The following PAK4 variants were observed in gnomAD, a reference collection of about 807,000 sequenced individuals.
PAK4 encodes the protein p21 (RAC1) activated kinase 4.
In PAK4, 49 loss-of-function variants were observed where a neutral mutation model predicts 53.5. That is an observed-to-expected ratio of 0.92 (90% CI 0.73 to 1.16). The LOEUF (loss-of-function observed/expected upper bound fraction) is 1.16, where lower values mean the gene tolerates loss of function less well. Among genes scored for constraint, PAK4 ranks in the 50% most tolerant of loss-of-function variants. The pLI, the probability that PAK4 is intolerant of heterozygous loss-of-function variation, is 0.00. For missense variants in PAK4, 824 were observed against 850.7 expected, an observed-to-expected ratio of 0.97 and a Z score of 0.39; for synonymous variants, 376 against 375.6, an observed-to-expected ratio of 1.00 and a Z score of -0.01.
chr19:39,158,224 T>C (rs191170417), intron 1 of PAK4, among the ~76,000 whole-genome samples: 138 of 152,024 alleles, frequency 9.1e-4, no homozygotes, highest in African/African-American at 3.1e-3. Context: ...GGTGTGCGTG[T>C]GTGTGCATGT....
intron 1 of PAK4, among the ~76,000 whole-genome samples, chr19:39,148,038 G>A (rs552243736): frequency 3.5e-5 from 5 of 143,600 alleles, no homozygotes; most frequent in Admixed American, 1.4e-4. Context: ...TGTGGCCTCC[G>A]CCTCCCGGGT....
intron 1 of PAK4, among the ~76,000 whole-genome samples, chr19:39,160,417 C>G (rs188662295): frequency 6.6e-6 from 1 of 152,322 alleles, no homozygotes; most frequent in East Asian, 1.9e-4. Flanking sequence ...GGGGCACTGC[C>G]AGTCAGTAGG....
chr19:39,156,301 T>G (rs1403769232), intron 1 of PAK4, among the ~76,000 whole-genome samples: 1 of 146,400 alleles, frequency 6.8e-6, no homozygotes, highest in Non-Finnish European at 1.5e-5. Context: ...CAGGGCTCTA[T>G]CCTGCACCTA....
At chr19:39,127,143 C>T (rs73930284) in intron 1 of PAK4, among the ~76,000 whole-genome samples, 6 of 152,140 alleles carry the variant, frequency 3.9e-5, no homozygotes, top group Admixed American at 2.6e-4. Context: ...GGGAGTCCGA[C>T]GGGCTTCTGA....
At chr19:39,169,359 C>T (rs1250647314) in intron 1 of PAK4, among the ~76,000 whole-genome samples, 173 bp from the exon 3 acceptor site, 1 of 152,038 alleles carries the variant, frequency 6.6e-6, no homozygotes, top group Non-Finnish European at 1.5e-5. Context: ...CGGGTACCCT[C>T]TGGCTGTGTG....
In PAK4 at chr19:39,149,135, C is replaced by T. The variant is rs185613172; in HGVS notation, c.-22-20397C>T. On this transcript the variant is annotated intron_variant, in intron 1 of 8. Coordinates refer to ENST00000358301, the Ensembl canonical transcript of PAK4. ...GAATTACCTTGTGACCCAGCAATTC[C>T]GCTCCCAACTGTTCGTCCAAAAGAA... Among the ~76,000 whole-genome samples, 50 of 152,266 alleles carry T rather than the reference C, an allele frequency of 3.3e-4. 1 individual carries two copies. The highest frequency in any genetic ancestry group is 8.3e-4 in the South Asian group (4 of 4,820).
At chr19:39,152,098 G>A (rs1393795449) in intron 1 of PAK4, 1 of 146,284 alleles carries the variant, frequency 6.8e-6, no homozygotes, top group Non-Finnish European at 1.5e-5. Context: ...CTGAGTTATC[G>A]TGATTTTTTT....
intron 1 of PAK4, among the ~76,000 whole-genome samples, chr19:39,139,969 G>A (rs988491262): frequency 6.6e-6 from 1 of 152,166 alleles, no homozygotes; most frequent in African/African-American, 2.4e-5. Context: ...GTTAAGTCAC[G>A]GCACGCTACG....
chr19:39,172,562 CG>C (rs895979512), intron 2 of PAK4, among the ~76,000 whole-genome samples: 3 of 152,108 alleles, frequency 2.0e-5, no homozygotes, highest in African/African-American at 7.2e-5. Context: ...TTGCAGCCCT[CG>C]GGGCTGATTA....
At position 39,172,041 on chromosome 19, in the gene PAK4, G is replaced by A. The variant is rs555130192; in HGVS notation, c.205-877G>A. Among the ~76,000 whole-genome samples, 6 of 152,360 alleles carry A rather than the reference G, an allele frequency of 3.9e-5. 1 individual carries two copies. In the South Asian group the frequency reaches 1.2e-3, roughly 32 times the overall value. ...GTTAGGTGCTCTAGGTAGAATGCAG[G>A]CAGGGCAGGGGCCGGGGAGGGCAGG... On this transcript the variant is annotated intron_variant, in intron 2 of 8. Transcript: ENST00000358301.
At chr19:39,134,106 C>T (rs185760577) in intron 1 of PAK4, among the ~76,000 whole-genome samples, 1 of 152,364 alleles carries the variant, frequency 6.6e-6, no homozygotes, top group East Asian at 1.9e-4. Context: ...CGTCCCTTCC[C>T]CGCAAATCTT....
At position 39,173,974 on chromosome 19, in the gene PAK4, G is replaced by T; in HGVS notation, c.1062G>T (p.Leu354=). The stretch of plus-strand genomic sequence containing the variant: ...TGGTGGCCGTCAAGAAGATGGACCT[G>T]CGCAAGCAGCAGAGGCGCGAGCTGC... The change falls in exon 4 of 9, where the codon CTG becomes CTT. Residue 354 remains leucine, a synonymous_variant. Transcript: ENST00000358301. This position sits in a 1 kb window ranked among gnomAD's most constrained non-coding sequence, Gnocchi z 6.9. 6.2e-7 allele frequency: 1 copy of T among 1,608,152 alleles called. No homozygotes were observed. The highest frequency in any genetic ancestry group is 8.5e-7 in the Non-Finnish European group (1 of 1,178,720).
intron 4 of PAK4, 33 bp downstream of exon 5, chr19:39,174,043 T>G: frequency 1.4e-6 from 2 of 1,380,086 alleles, no homozygotes; most frequent in Non-Finnish European, 1.9e-6. Flanking sequence ...GCCCTGCTGG[T>G]CCTCCCACCC....
At chr19:39,176,465 G>A in intron 6 of PAK4, 125 bp from the exon 8 acceptor site, 1 of 1,308,632 alleles carries the variant, frequency 7.6e-7, no homozygotes, top group Non-Finnish European at 1.1e-6. Context: ...TCTGACCCTA[G>A]ACCCCAGCTC....
At position 39,173,914 on chromosome 19, in the gene PAK4, C is replaced by T. The variant is rs747763849; in HGVS notation, c.1002C>T (p.Ile334=). ...AGATTGGCGAGGGCTCCACGGGCAT[C>T]GTGTGCATCGCCACCGTGCGCAGCT... Residue 334 remains isoleucine (I), a synonymous_variant, in exon 4 of 9, where the codon ATC becomes ATT. Coordinates refer to ENST00000358301, the Ensembl canonical transcript of PAK4. The surrounding 1 kb of genome is among the most constrained non-coding windows in gnomAD (Gnocchi z 6.9). 2.3e-5 allele frequency: 37 copies of T among 1,611,784 alleles called. No homozygotes were observed. Among genetic ancestry groups the T allele is most frequent in the Non-Finnish European group, 2.6e-5 (31 of 1,179,564 alleles).
At position 39,147,599 on chromosome 19, in the gene PAK4, T is replaced by C. The variant is rs187094198; in HGVS notation, c.-23+21680T>C. Among the ~76,000 whole-genome samples the C allele has an allele frequency of 4.8e-4, 73 of 152,300 alleles. 2 individuals are homozygous for C. The East Asian group carries it at 0.012, about 26-fold the overall frequency. On this transcript the variant is annotated intron_variant, in intron 1 of 8. Transcript: ENST00000358301. ...ATTTTCTAGAGTGGCTGTACCATGT[T>C]ATATTATCACCAGCAGCAGGTTCCC...
At chr19:39,126,531 C>T (rs1481253259) in intron 1 of PAK4, among the ~76,000 whole-genome samples, 1 of 149,616 alleles carries the variant, frequency 6.7e-6, no homozygotes, top group Non-Finnish European at 1.5e-5. Flanking sequence ...GGCAAACACT[C>T]ATGAAACACT....
At chr19:39,138,842 G>A (rs1020929695) in intron 1 of PAK4, among the ~76,000 whole-genome samples, 10 of 152,246 alleles carry the variant, frequency 6.6e-5, no homozygotes, top group African/African-American at 2.4e-4. Flanking sequence ...GATGCGGGAA[G>A]CAGCTCAGCT....
At chr19:39,145,686 G>A (rs902722565) in intron 1 of PAK4, among the ~76,000 whole-genome samples, 3 of 152,176 alleles carry the variant, frequency 2.0e-5, no homozygotes, top group Admixed American at 6.5e-5. Flanking sequence ...CGCTGGTGCC[G>A]CCTGGGGCCT....
Sources: gnomAD v4.1 joint callset for allele counts (sites outside exome capture counted in the v4.1 genomes callset) on GRCh38, gnomAD v4.1.1 for gene constraint, Gnocchi (gnomAD v3.1) non-coding constraint, MANE v1.5 for transcripts, NCBI Gene and HGNC (gene_info 2026-07-23, HGNC 2026-07-21) for gene names.